Variants in AIFM2 observed in about 807,000 individuals in gnomAD.
AIFM2 encodes the protein AIF family member 2, ferroptosis suppressor, also known as ferroptosis suppressor protein 1.
A neutral mutation model predicts 35.7 loss-of-function variants in AIFM2; 38 were observed. That is an observed-to-expected ratio of 1.06 (90% CI 0.82 to 1.39). The LOEUF (loss-of-function observed/expected upper bound fraction) is 1.39. Ranked by LOEUF, AIFM2 falls within the 40% of genes most tolerant of loss-of-function variation. AIFM2 has a pLI of 0.00. For synonymous variants in AIFM2, 185 were observed against 203.5 expected (o/e 0.91, Z 0.77); for missense variants, 476 against 491.2 (o/e 0.97, Z 0.29).
chr10:70,121,071 T>C, intron 4 of AIFM2, 21 bp downstream of exon 4: 1 of 1,605,964 alleles, frequency 6.2e-7, no homozygotes, highest in Non-Finnish European at 8.5e-7. Context: ...CACTGCCCCA[T>C]GCCTTCAGTG....
In AIFM2 at chr10:70,121,116, C is replaced by T. The variant is rs765850859; in HGVS notation, c.390G>A (p.Gln130=). The part of the protein sequence containing the change: ...NEVSSQQAAI[Q]AYEDMVRQVQ... ...CCTGCCTCACCATGTCCTCATAGGC[C>T]TGGATAGCGGCCTGCTGGCTGGAAA... The change falls in exon 4 of 9, where the codon CAG becomes CAA. Residue 130 remains glutamine (Q), a synonymous_variant. Coordinates refer to ENST00000307864, the MANE Select transcript of AIFM2 (RefSeq NM_032797.6). The T allele has an allele frequency of 1.1e-5, 18 of 1,610,084 alleles. No individual in the cohort carries two copies. The Middle Eastern group carries it at 1.2e-3, about 103-fold the overall frequency.
At chr10:70,123,099 T>A (rs2072526898) in intron 3 of AIFM2, among the ~76,000 whole-genome samples, 1 of 152,150 alleles carries the variant, frequency 6.6e-6, no homozygotes, top group Non-Finnish European at 1.5e-5. Context: ...AATCTCAGCT[T>A]ACTGGAACTT....
At position 70,121,223 on chromosome 10, in the gene AIFM2, C is replaced by CAAAAAA. The variant is rs35599207; in HGVS notation, c.295-18_295-13dup. On this transcript the variant is annotated splice_polypyrimidine_tract_variant and intron_variant, in intron 3 of 8. Transcript: ENST00000307864. ...GAGAAGGGCAGGGCCTGAGAGAAAC[C>CAAAAAA]AAAAAAAAAAAAAAAAAAAAAAAAA... The CAAAAAA allele has an allele frequency of 7.5e-4, 500 of 664,642 alleles. No homozygotes were observed. Among genetic ancestry groups the CAAAAAA allele is most frequent in the Middle Eastern group, 1.4e-3 (2 of 1,448 alleles). The allele number at this position is 664,642 out of a possible 1,614,324, so 41.2% of individuals were successfully genotyped here. A position where few individuals can be genotyped will look rare whatever the true frequency, so the allele number is the denominator to read the frequency against.
chr10:70,121,198 G>C lies in AIFM2; in HGVS notation c.308C>G (p.Ser103Cys). ...LLQGGEALPF[S>C]HLILATGSTG... ...GCTGCCCGTGGCCAGGATAAGATGA[G>C]AGAAGGGCAGGGCCTGAGAGAAACC... Residue 103 changes from serine (S) to cysteine (C), a missense_variant, in exon 4 of 9, where the codon TCT (serine) becomes TGT (cysteine). Coordinates refer to ENST00000307864, the MANE Select transcript of AIFM2 (RefSeq NM_032797.6). The C allele has an allele frequency of 3.1e-6, 2 of 637,630 alleles. No homozygotes were observed. The highest frequency in any genetic ancestry group is 5.3e-6 in the Non-Finnish European group (2 of 377,004). The allele number at this position is 637,630 out of a possible 1,614,324, so 39.5% of individuals were successfully genotyped here. A position where few individuals can be genotyped will look rare whatever the true frequency, so the allele number is the denominator to read the frequency against.
At position 70,115,128 on chromosome 10, in the gene AIFM2, A is replaced by G. The variant is rs1408249061; in HGVS notation, c.770-8T>C. On this transcript the variant is annotated splice_polypyrimidine_tract_variant and splice_region_variant and intron_variant, in intron 7 of 8. Coordinates refer to ENST00000307864, the MANE Select transcript of AIFM2 (RefSeq NM_032797.6). ...TGCTGGCTAGTCTGCTCTCTGCCAG[A>G]AGAAATGACACCGAAACCAAGACAC... 1 of 1,613,254 alleles carries G rather than the reference A, an allele frequency of 6.2e-7. No individual in the cohort carries two copies.
At chr10:70,116,912 C>T in intron 6 of AIFM2, 138 bp from the exon 7 acceptor site, 1 of 1,001,222 alleles carries the variant, frequency 1.0e-6, no homozygotes, top group Non-Finnish European at 1.5e-6. Context: ...GTCTTCCCAC[C>T]ATGCCCCTCC....
At position 70,125,437 on chromosome 10, in the gene AIFM2, C is replaced by CAAAAAA. The variant is rs199638586; in HGVS notation, c.-13-1346_-13-1341dup. 2.6e-3 allele frequency among the ~76,000 whole-genome samples: 177 copies of CAAAAAA among 67,952 alleles called. 15 individuals carry two copies. Among genetic ancestry groups the CAAAAAA allele is most frequent in the Non-Finnish European group, 3.8e-3 (144 of 38,176 alleles). 44.6% of individuals were successfully genotyped at this position (67,952 alleles called of 152,430 possible). A position where few individuals can be genotyped will look rare whatever the true frequency, so the allele number is the denominator to read the frequency against. On this transcript the variant is annotated intron_variant, in intron 1 of 8. Transcript: ENST00000307864. Reference sequence around the variant, plus strand: ...GTAACATAGAGAGACTCTGTCTCTACAAAAAAAAAAAAAAAAAAAAAAAAA... The same window carrying CAAAAAA: ...GTAACATAGAGAGACTCTGTCTCTACAAAAAAAAAAAAAAAAAAAAAAAAAAAAAAA...
At chr10:70,129,507 C>T (rs988604176) in intron 1 of AIFM2, among the ~76,000 whole-genome samples, 2 of 152,078 alleles carry the variant, frequency 1.3e-5, no homozygotes, top group Non-Finnish European at 2.9e-5. Context: ...GTAATGATTA[C>T]AGCAGTTAGC....
intron 3 of AIFM2, among the ~76,000 whole-genome samples, chr10:70,121,898 C>T (rs1425424235): frequency 6.6e-6 from 1 of 151,690 alleles, no homozygotes; most frequent in Admixed American, 6.6e-5. Flanking sequence ...TTGAAACCAA[C>T]CTGATCAACA....
chr10:70,121,123 G>A lies in AIFM2; in HGVS notation c.383C>T (p.Ala128Val), dbSNP rs931949523. ...KFNEVSSQQA[A>V]IQAYEDMVRQ... is the part of the protein sequence containing the mutation. The stretch of plus-strand genomic sequence containing the variant: ...CACCATGTCCTCATAGGCCTGGATA[G>A]CGGCCTGCTGGCTGGAAACCTCATT... The change falls in exon 4 of 9, where the codon GCT becomes GTT. Residue 128 changes from alanine to valine, a missense_variant. Ala to Val is a moderately conservative substitution (Grantham distance 64, BLOSUM62 0). Transcript: ENST00000307864. The A allele has an allele frequency of 1.2e-6, 2 of 1,609,362 alleles. No individual in the cohort carries two copies. The highest frequency in any genetic ancestry group is 2.7e-5 in the African/African-American group (2 of 74,182).
chr10:70,116,503 T>C (rs1290861508), intron 7 of AIFM2, 119 bp downstream of exon 7: 28 of 1,295,658 alleles, frequency 2.2e-5, no homozygotes, highest in Non-Finnish European at 2.8e-5. Context: ...GTCTGAGCTG[T>C]TGGGAAGAAA....
chr10:70,123,437 T>G lies in AIFM2; in HGVS notation c.262A>C (p.Lys88Gln), dbSNP rs745464386. The change falls in exon 3 of 9, where the codon AAG (lysine) becomes CAG (glutamine). Residue 88 changes from lysine (K) to glutamine (Q), a missense_variant. Transcript: ENST00000307864. Reference sequence around the variant, plus strand: ...CCCTGCAGCAGCACCATCTGGTTCTTCAGGTCTATCCCCACTACTAGCCCC... The same window carrying G: ...CCCTGCAGCAGCACCATCTGGTTCTGCAGGTCTATCCCCACTACTAGCCCC... ...RQGLVVGIDL[K>Q]NQMVLLQGGE... 1 of 1,614,166 alleles carries G rather than the reference T, an allele frequency of 6.2e-7. No individual in the cohort carries two copies. The highest frequency in any genetic ancestry group is 1.3e-5 in the African/African-American group (1 of 75,054).
intron 7 of AIFM2, 104 bp from the exon 8 acceptor site, chr10:70,115,224 G>C: frequency 7.9e-7 from 1 of 1,269,006 alleles, no homozygotes; most frequent in Non-Finnish European, 1.1e-6. Context: ...ATAGGTGCTG[G>C]TCAGGTCACC....
At chr10:70,116,015 T>A (rs1455426467) in intron 7 of AIFM2, among the ~76,000 whole-genome samples, 3 of 152,128 alleles carry the variant, frequency 2.0e-5, no homozygotes, top group Non-Finnish European at 4.4e-5. Context: ...AGGCAGGAGC[T>A]CCTTGTCAGG....
At chr10:70,119,833 C>T (rs1416128025) in intron 5 of AIFM2, among the ~76,000 whole-genome samples, 1 of 152,244 alleles carries the variant, frequency 6.6e-6, no homozygotes, top group Non-Finnish European at 1.5e-5. Flanking sequence ...TCACTCAGCC[C>T]TTGCCAAGCC....
Position 70,132,788 on chromosome 10 carries a change from C to T in AIFM2, c.-68G>A, listed in dbSNP as rs1266064380. On this transcript the variant is annotated 5_prime_UTR_variant, in exon 1 of 9. Transcript: ENST00000307864. ...CGGCTCCCGCTCCCGCTCCCGCTCC[C>T]GCTTGGTCGTCTTCCCGAGTTACTG... is the stretch of plus-strand genomic sequence containing the variant. 6.6e-6 allele frequency: 1 copy of T among 152,288 alleles called. No individual in the cohort carries two copies. Among genetic ancestry groups the T allele is most frequent in the Non-Finnish European group, 1.5e-5 (1 of 68,346 alleles). 9.4% of individuals were successfully genotyped at this position (152,288 alleles called of 1,614,324 possible). A position where few individuals can be genotyped will look rare whatever the true frequency, so the allele number is the denominator to read the frequency against.
rs1229354304 is a variant in AIFM2, at chr10:70,112,273, T to C, written c.*1905A>G. 6.6e-6 allele frequency: 1 copy of C among 152,222 alleles called. No homozygotes were observed. The highest frequency in any genetic ancestry group is 1.5e-5 in the Non-Finnish European group (1 of 68,036). The allele number at this position is 152,222 out of a possible 1,614,324, so 9.4% of individuals were successfully genotyped here. On this transcript the variant is annotated 3_prime_UTR_variant, in exon 9 of 9. Transcript: ENST00000307864. ...AAAAAAATAAAAGATCCAGTGTCTT[T>C]CTTACAACATATTCTTTTATTGCAA...
At chr10:70,130,179 T>A (rs997173005) in intron 1 of AIFM2, among the ~76,000 whole-genome samples, 9 of 152,082 alleles carry the variant, frequency 5.9e-5, no homozygotes, top group African/African-American at 2.2e-4. Context: ...CAAGACTCTG[T>A]CTCAAAAAAA....
At chr10:70,119,312 T>G (rs572710766) in intron 5 of AIFM2, among the ~76,000 whole-genome samples, 21 of 152,312 alleles carry the variant, frequency 1.4e-4, no homozygotes, top group Admixed American at 5.2e-4. Context: ...GAGAGAGTCA[T>G]GAGAATCTCT....
Sources: gnomAD v4.1 joint callset for allele counts (sites outside exome capture counted in the v4.1 genomes callset) on GRCh38, gnomAD v4.1.1 for gene constraint, MANE v1.5 for transcripts, NCBI Gene and HGNC (gene_info 2026-07-23, HGNC 2026-07-21) for gene names.